The following EIF2S3B variants were observed in gnomAD, a reference collection of about 807,000 sequenced individuals.
The protein encoded by EIF2S3B is eukaryotic translation initiation factor 2 subunit gamma B.
EIF2S3B carries 16 observed loss-of-function variants against 26.4 expected under a neutral mutation model. That is an observed-to-expected ratio of 0.61 (90% CI 0.41 to 0.92). The LOEUF is 0.92. Ranked by LOEUF, EIF2S3B falls within the 40% of genes least tolerant of loss-of-function variation. The pLI, the probability that EIF2S3B is intolerant of heterozygous loss-of-function variation, is 0.00. For missense variants in EIF2S3B, 510 were observed against 575.5 expected, an observed-to-expected ratio of 0.89 and a Z score of 1.16; for synonymous variants, 183 against 204.4, an observed-to-expected ratio of 0.90 and a Z score of 0.89.
chr12:10,522,751 G>A (rs1565530373), exon 2 of EIF2S3B: 7 of 654,264 alleles, frequency 1.1e-5, no homozygotes, highest in Admixed American at 2.3e-5. Context: ...TCCCCTTTCT[G>A]CTCTGGAGAT....
At position 10,506,011 on chromosome 12, in the gene EIF2S3B, A is replaced by T. The variant is rs770847908; in HGVS notation, c.109A>T (p.Ser37Cys). The T allele has an allele frequency of 3.7e-6, 6 of 1,605,732 alleles. No individual in the cohort carries two copies. The African/African-American group carries it at 8.0e-5, about 21-fold the overall frequency. Residue 37 changes from serine to cysteine, a missense_variant, in exon 1 of 1, where the codon AGC becomes TGC. Coordinates refer to ENST00000538173, the MANE Select transcript of EIF2S3B (RefSeq NM_001357734.3). ...KLTPLSHEVI[S>C]RQATINIGTI... ...GACGCCACTTTCACACGAAGTTATC[A>T]GCAGACAAGCCACAATTAATATAGG...
intron 1 of EIF2S3B, among the ~76,000 whole-genome samples, chr12:10,517,683 G>T (rs1271097904): frequency 2.0e-5 from 3 of 151,922 alleles, no homozygotes; most frequent in African/African-American, 7.2e-5. Context: ...TGCTTTTCTA[G>T]TTCTTTTAAT....
downstream of EIF2S3B, among the ~76,000 whole-genome samples, chr12:10,509,282 A>C (rs1864682560): frequency 6.6e-6 from 1 of 151,992 alleles, no homozygotes; most frequent in Non-Finnish European, 1.5e-5. Flanking sequence ...TCATTTTTTT[A>C]ACTGAAGTAA....
Position 10,519,525 on chromosome 12 carries a change from A to C in EIF2S3B, c.1309-3078A>C, listed in dbSNP as rs996363180. Reference sequence around the variant, plus strand: ...TTGACAAATGGGATCTAATTAAACTAAAGAGCTTCTGTACAGCAAAAGAAA... The same window carrying C: ...TTGACAAATGGGATCTAATTAAACTCAAGAGCTTCTGTACAGCAAAAGAAA... On this transcript the variant is annotated intron_variant, in intron 1 of 1. Transcript: ENST00000322446. Among the ~76,000 whole-genome samples the C allele has an allele frequency of 6.3e-3, 965 of 152,204 alleles. 9 individuals carry two copies. Among genetic ancestry groups the C allele is most frequent in the African/African-American group, 0.02 (824 of 41,536 alleles).
chr12:10,519,571 C>T (rs890574434), intron 1 of EIF2S3B, among the ~76,000 whole-genome samples: 1 of 152,048 alleles, frequency 6.6e-6, no homozygotes, highest in East Asian at 1.9e-4. Context: ...AGTGAACAGG[C>T]AACCTACAAA....
downstream of EIF2S3B, among the ~76,000 whole-genome samples, chr12:10,512,175 G>A (rs77696742): frequency 1.1e-4 from 16 of 151,840 alleles, no homozygotes; most frequent in East Asian, 2.3e-3. Context: ...TTTCCTTATC[G>A]CCCGCTCAAG....
Position 10,507,504 on chromosome 12 carries a change from AG to A in EIF2S3B, c.*184del, listed in dbSNP as rs1864652110. 1 of 690,954 alleles carries A rather than the reference AG, an allele frequency of 1.4e-6. No individual in the cohort carries two copies. The highest frequency in any genetic ancestry group is 1.8e-5 in the African/African-American group (1 of 55,316). 42.8% of individuals were successfully genotyped at this position (690,954 alleles called of 1,614,324 possible). On this transcript the variant is annotated 3_prime_UTR_variant, in exon 1 of 1. Transcript: ENST00000538173. The stretch of plus-strand genomic sequence containing the variant: ...TTATGAAAACTTAGGGACTACAATT[AG>A]TATAAAAATTGGCATAATGTTGGAT...
chr12:10,521,183 C>G (rs1864827706), intron 1 of EIF2S3B, among the ~76,000 whole-genome samples: 2 of 152,176 alleles, frequency 1.3e-5, no homozygotes, highest in Admixed American at 1.3e-4. Flanking sequence ...GATACACGTT[C>G]TAATTCAACA....
At chr12:10,517,502 TTC>T (rs1387829928) in intron 1 of EIF2S3B, among the ~76,000 whole-genome samples, 2 of 152,180 alleles carry the variant, frequency 1.3e-5, no homozygotes, top group African/African-American at 4.8e-5. Flanking sequence ...TTTCTCTCTT[TTC>T]TTCTTTATTA....
Position 10,505,919 on chromosome 12 carries a change from C to G in EIF2S3B, c.17C>G (p.Ala6Gly), listed in dbSNP as rs1335153718. 6.3e-7 allele frequency: 1 copy of G among 1,597,764 alleles called. No homozygotes were observed. Among genetic ancestry groups the G allele is most frequent in the Non-Finnish European group, 8.6e-7 (1 of 1,165,490 alleles). The change falls in exon 1 of 1, where the codon GCT (alanine) becomes GGT (glycine). Residue 6 changes from alanine to glycine, a missense_variant. Coordinates refer to ENST00000538173, the MANE Select transcript of EIF2S3B (RefSeq NM_001357734.3). Reference sequence around the variant, plus strand: ...TTTGGCAACATGGCGGGCGGAGAAGCTGGGGTGACTCTGGGGCAGCCGCAC... The same window carrying G: ...TTTGGCAACATGGCGGGCGGAGAAGGTGGGGTGACTCTGGGGCAGCCGCAC... The part of the protein sequence containing the change: MAGGE[A>G]GVTLGQPHLS...
chr12:10,506,017 C>G lies in EIF2S3B; in HGVS notation c.115C>G (p.Gln39Glu). The change falls in exon 1 of 1, where the codon CAA becomes GAA. Residue 39 changes from glutamine to glutamate, a missense_variant. Physicochemically the swap from Gln to Glu is conservative, Grantham distance 29. Transcript: ENST00000538173. Reference protein sequence around the residue: ...TPLSHEVISRQATINIGTIGH... With the variant: ...TPLSHEVISREATINIGTIGH... Reference sequence around the variant, plus strand: ...ACTTTCACACGAAGTTATCAGCAGACAAGCCACAATTAATATAGGTACAAT... The same window carrying G: ...ACTTTCACACGAAGTTATCAGCAGAGAAGCCACAATTAATATAGGTACAAT... 6.3e-7 allele frequency: 1 copy of G among 1,589,372 alleles called. No individual in the cohort carries two copies. Among genetic ancestry groups the G allele is most frequent in the Non-Finnish European group, 8.6e-7 (1 of 1,165,826 alleles).
In EIF2S3B at chr12:10,505,927, A is replaced by C; in HGVS notation, c.25A>C (p.Thr9Pro). The change falls in exon 1 of 1, where the codon ACT (threonine) becomes CCT (proline). Residue 9 changes from threonine to proline, a missense_variant. By Grantham distance (38) the Thr-to-Pro change is conservative (BLOSUM62 -1). Transcript: ENST00000538173. ...CATGGCGGGCGGAGAAGCTGGGGTG[A>C]CTCTGGGGCAGCCGCACCTTTCGCG... MAGGEAGV[T>P]LGQPHLSRQD... 1 of 1,598,608 alleles carries C rather than the reference A, an allele frequency of 6.3e-7. No individual in the cohort carries two copies. Among genetic ancestry groups the C allele is most frequent in the Non-Finnish European group, 8.6e-7 (1 of 1,167,088 alleles).
At chr12:10,511,954 A>G (rs929397108), downstream of EIF2S3B, among the ~76,000 whole-genome samples, 1 of 152,196 alleles carries the variant, frequency 6.6e-6, no homozygotes, top group Non-Finnish European at 1.5e-5. Flanking sequence ...TCTATTCACC[A>G]TTGTTCATTC....
intron 1 of EIF2S3B, among the ~76,000 whole-genome samples, chr12:10,515,162 C>G (rs2137950602): frequency 6.6e-6 from 1 of 151,968 alleles, no homozygotes; most frequent in East Asian, 1.9e-4. Flanking sequence ...ACCTTCAGCC[C>G]CCCAATTCCT....
exon 2 of EIF2S3B, chr12:10,522,978 TATAC>T: frequency 5.2e-6 from 1 of 193,666 alleles, no homozygotes; most frequent in Non-Finnish European, 1.1e-5. Flanking sequence ...TAAACATGTA[TATAC>T]ATACATGTAT....
chr12:10,513,145 T>C (rs1236146869), downstream of EIF2S3B, among the ~76,000 whole-genome samples: 1 of 152,258 alleles, frequency 6.6e-6, no homozygotes, highest in African/African-American at 2.4e-5. Context: ...ATTTTATACA[T>C]ACTTTATTGC....
intron 1 of EIF2S3B, among the ~76,000 whole-genome samples, chr12:10,521,179 C>T (rs769272849): frequency 1.3e-5 from 2 of 152,238 alleles, no homozygotes; most frequent in East Asian, 1.9e-4. Context: ...CAAGGATACA[C>T]GTTCTAATTC....
chr12:10,517,024 T>C (rs1864764737), intron 1 of EIF2S3B, among the ~76,000 whole-genome samples: 1 of 151,196 alleles, frequency 6.6e-6, no homozygotes, highest in Non-Finnish European at 1.5e-5. Flanking sequence ...AGTATTTTAT[T>C]GAGGATTTTT....
At chr12:10,512,571 C>T (rs997466773), downstream of EIF2S3B, among the ~76,000 whole-genome samples, 16 of 152,134 alleles carry the variant, frequency 1.1e-4, no homozygotes, top group Non-Finnish European at 2.9e-5. Flanking sequence ...GAAATAGTGA[C>T]CATCAGGCAT....
Sources: allele counts gnomAD v4.1 joint callset (sites outside exome capture counted in the v4.1 genomes callset), GRCh38; gene constraint gnomAD v4.1.1; transcripts MANE v1.5; gene names NCBI Gene and HGNC (gene_info 2026-07-23, HGNC 2026-07-21).